Variants in SLITRK5 observed in about 807,000 individuals in gnomAD.
SLITRK5 encodes SLIT and NTRK like family member 5.
SLITRK5 carries 23 observed loss-of-function variants against 56.2 expected under a neutral mutation model. The observed-to-expected ratio is 0.41, with a 90% CI of 0.29 to 0.58. SLITRK5 has a LOEUF of 0.58. SLITRK5 is among the 20% of genes least tolerant of loss of function. The pLI, the probability that SLITRK5 is intolerant of heterozygous loss-of-function variation, is 0.30. For missense variants in SLITRK5, 1,289 were observed against 1,226.6 expected, an observed-to-expected ratio of 1.05 and a Z score of -0.76; for synonymous variants, 637 against 531.8, an observed-to-expected ratio of 1.20 and a Z score of -2.72.
chr13:87,676,970 T>G lies in SLITRK5; in HGVS notation c.1582T>G (p.Leu528Val). The G allele has an allele frequency of 1.2e-6, 2 of 1,614,196 alleles. No homozygotes were observed. The highest frequency in any genetic ancestry group is 2.2e-5 in the South Asian group (2 of 91,086). The change falls in exon 2 of 2, where the codon TTG (leucine) becomes GTG (valine). Residue 528 changes from leucine to valine, a missense_variant. Around this residue, in one of 3 missense-constraint regions of SLITRK5, gnomAD observed 985 missense variants for 906.0 expected, o/e 1.09. Transcript: ENST00000683689. Reference protein sequence around the residue: ...QAMPSGVFSGLTLLRLNLRSN... With the variant: ...QAMPSGVFSGVTLLRLNLRSN... Reference sequence around the variant, plus strand: ...CATGCCCTCAGGCGTCTTCTCTGGCTTGACCCTCCTCAGGCTAAACCTGAG... The same window carrying G: ...CATGCCCTCAGGCGTCTTCTCTGGCGTGACCCTCCTCAGGCTAAACCTGAG...
In SLITRK5 at chr13:87,677,667, G is replaced by A; in HGVS notation, c.2279G>A (p.Cys760Tyr). Reference sequence around the variant, plus strand: ...ATCCCCCACCCACTGGGCCACATGTGCAAAAACCCCATCTACCGCTCCCGA... The same window carrying A: ...ATCCCCCACCCACTGGGCCACATGTACAAAAACCCCATCTACCGCTCCCGA... ...EYIPHPLGHM[C>Y]KNPIYRSREG... The change falls in exon 2 of 2, where the codon TGC becomes TAC. Residue 760 changes from cysteine to tyrosine, a missense_variant. Cys to Tyr is a radical substitution (Grantham distance 194). Coordinates refer to ENST00000683689, the MANE Select transcript of SLITRK5 (RefSeq NM_001384609.1). This position sits in a 1 kb window ranked among gnomAD's most constrained non-coding sequence, Gnocchi z 4.7. The A allele has an allele frequency of 2.5e-6, 4 of 1,606,242 alleles. No individual in the cohort carries two copies. Among genetic ancestry groups the A allele is most frequent in the Non-Finnish European group, 3.4e-6 (4 of 1,173,988 alleles).
In SLITRK5 at chr13:87,679,482, G is replaced by T. The variant is rs1209982089; in HGVS notation, c.*1217G>T. 2 of 166,740 alleles carry T rather than the reference G, an allele frequency of 1.2e-5. No individual in the cohort carries two copies. The highest frequency in any genetic ancestry group is 2.4e-5 in the African/African-American group (1 of 41,362). The allele number at this position is 166,740 out of a possible 1,614,324, so 10.3% of individuals were successfully genotyped here. A position where few individuals can be genotyped will look rare whatever the true frequency, so the allele number is the denominator to read the frequency against. Reference sequence around the variant, plus strand: ...CTCTATACAATGTCTTTATCCCTGTGGGCAGCAAGCAATGATGATAATGAC... The same window carrying T: ...CTCTATACAATGTCTTTATCCCTGTTGGCAGCAAGCAATGATGATAATGAC... On this transcript the variant is annotated 3_prime_UTR_variant, in exon 2 of 2. Coordinates refer to ENST00000683689, the MANE Select transcript of SLITRK5 (RefSeq NM_001384609.1).
In SLITRK5 at chr13:87,675,271, T is replaced by C. The variant is rs1877221809; in HGVS notation, c.-8-110T>C. 4.2e-6 allele frequency: 3 copies of C among 708,320 alleles called. No homozygotes were observed. In the East Asian group the frequency reaches 7.9e-5, roughly 19 times the overall value. 43.9% of individuals were successfully genotyped at this position (708,320 alleles called of 1,614,324 possible). ...TGGGGAGGTGTGTCATTTGTATCTC[T>C]TCCTTTTGGGTTTTAGAGTAATAAT... On this transcript the variant is annotated intron_variant, in intron 1 of 1. Transcript: ENST00000683689.
In SLITRK5 at chr13:87,677,955, G is replaced by A; in HGVS notation, c.2567G>A (p.Arg856Lys). 1.2e-6 allele frequency: 2 copies of A among 1,613,958 alleles called. No homozygotes were observed. The highest frequency in any genetic ancestry group is 1.7e-6 in the Non-Finnish European group (2 of 1,179,926). Residue 856 changes from arginine (R) to lysine (K), a missense_variant, in exon 2 of 2, where the codon AGG becomes AAG. Transcript: ENST00000683689. The surrounding 1 kb of genome is among the most constrained non-coding windows in gnomAD (Gnocchi z 4.7). The stretch of plus-strand genomic sequence containing the variant: ...GTGCAGGACGCCGACCGCTTTTACA[G>A]GGGCATTTTAGAACCAGACAAACAC... ...SPVQDADRFYRGILEPDKHCS... is the reference protein window; with the variant it reads ...SPVQDADRFYKGILEPDKHCS...
intron 1 of SLITRK5, chr13:87,674,479 T>G: frequency 2.4e-6 from 2 of 831,052 alleles, no homozygotes; most frequent in Non-Finnish European, 2.9e-6. Flanking sequence ...TTTTAAACTC[T>G]AGGCATCGGG....
rs1355059253 is a variant in SLITRK5, at chr13:87,676,541, T to G, written c.1153T>G (p.Ser385Ala). The G allele has an allele frequency of 6.2e-7, 1 of 1,613,998 alleles. No individual in the cohort carries two copies. Among genetic ancestry groups the G allele is most frequent in the East Asian group, 2.2e-5 (1 of 44,866 alleles). The change falls in exon 2 of 2, where the codon TCT (serine) becomes GCT (alanine). Residue 385 changes from serine (S) to alanine (A), a missense_variant. Around this residue, in one of 3 missense-constraint regions of SLITRK5, gnomAD observed 985 missense variants for 906.0 expected, o/e 1.09. Transcript: ENST00000683689. ...PTACSCNLQI[S>A]DLGLNVNCQE... ...CGCGTGCTCTTGCAACCTGCAGATC[T>G]CTGATCTGGGCCTCAACGTAAACTG... is the stretch of plus-strand genomic sequence containing the variant.
Position 87,677,640 on chromosome 13 carries a change from A to G in SLITRK5, c.2252A>G (p.Tyr751Cys). 1 of 1,608,596 alleles carries G rather than the reference A, an allele frequency of 6.2e-7. No individual in the cohort carries two copies. The highest frequency in any genetic ancestry group is 8.5e-7 in the Non-Finnish European group (1 of 1,175,966). The change falls in exon 2 of 2, where the codon TAC (tyrosine) becomes TGC (cysteine). Residue 751 changes from tyrosine to cysteine, a missense_variant. Transcript: ENST00000683689. The surrounding 1 kb of genome is among the most constrained non-coding windows in gnomAD (Gnocchi z 4.7). ...VKTPAGHVYE[Y>C]IPHPLGHMCK... is the part of the protein sequence containing the mutation. ...ACGCCCGCGGGCCACGTGTATGAAT[A>G]CATCCCCCACCCACTGGGCCACATG...
chr13:87,676,395 A>C lies in SLITRK5; in HGVS notation c.1007A>C (p.Gln336Pro). The C allele has an allele frequency of 6.2e-7, 1 of 1,614,048 alleles. No homozygotes were observed. The highest frequency in any genetic ancestry group is 2.2e-5 in the East Asian group (1 of 44,866). ...PPLKPPKGTR[Q>P]PNKPRVRPTS... ...TTGAAGCCCCCTAAGGGGACTCGCC[A>C]ACCCAACAAGCCCAGGGTGCGCCCC... The change falls in exon 2 of 2, where the codon CAA becomes CCA. Residue 336 changes from glutamine to proline, a missense_variant. Gln to Pro is a moderately conservative substitution (Grantham distance 76, BLOSUM62 -1). Coordinates refer to ENST00000683689, the MANE Select transcript of SLITRK5 (RefSeq NM_001384609.1).
rs748050875 is a variant in SLITRK5, at chr13:87,675,425, G to T, written c.37G>T (p.Asp13Tyr). The change falls in exon 2 of 2, where the codon GAC (aspartate) becomes TAC (tyrosine). Residue 13 changes from aspartate (D) to tyrosine (Y), a missense_variant. Around this residue, in one of 3 missense-constraint regions of SLITRK5, gnomAD observed 291 missense variants for 286.7 expected, o/e 1.02. Transcript: ENST00000683689. ...CTGCCCCCCAGTAACTTTGGAACAG[G>T]ACCTTCACAGAAAAATGCATAGCTG... ...TCCPPVTLEQ[D>Y]LHRKMHSWML... The T allele has an allele frequency of 1.7e-5, 28 of 1,614,052 alleles. No individual in the cohort carries two copies. Among genetic ancestry groups the T allele is most frequent in the Non-Finnish European group, 2.4e-5 (28 of 1,180,046 alleles).
chr13:87,673,992 G>A (rs1877158424), intron 1 of SLITRK5, among the ~76,000 whole-genome samples: 1 of 143,234 alleles, frequency 7.0e-6, no homozygotes, highest in Non-Finnish European at 1.5e-5. Flanking sequence ...CAGCATGCGC[G>A]CGCGCGCACA....
rs139493330 is a variant in SLITRK5, at chr13:87,676,869, G to T, written c.1481G>T (p.Arg494Leu). Residue 494 changes from arginine to leucine, a missense_variant, in exon 2 of 2, where the codon CGC (arginine) becomes CTC (leucine). Coordinates refer to ENST00000683689, the MANE Select transcript of SLITRK5 (RefSeq NM_001384609.1). ...QYLFLQYNLI[R>L]EIQSGTFDPV... ...CTCTTCCTCCAGTACAATCTCATCCGCGAGATTCAGTCTGGAACTTTTGAC... is the reference window on the plus strand; with the variant it reads ...CTCTTCCTCCAGTACAATCTCATCCTCGAGATTCAGTCTGGAACTTTTGAC... 98 of 1,614,046 alleles carry T rather than the reference G, an allele frequency of 6.1e-5. No homozygotes were observed. In the African/African-American group the frequency reaches 1.2e-3, roughly 20 times the overall value.
Position 87,673,506 on chromosome 13 carries a change from A to AG in SLITRK5, c.-9+1302dup, listed in dbSNP as rs1011184933. On this transcript the variant is annotated intron_variant, in intron 1 of 1. Transcript: ENST00000683689. The stretch of plus-strand genomic sequence containing the variant: ...TGGGGGCGGGGAAGCACAGGGAGGG[A>AG]GGGGGAGGGGACCCAACCTCGCTGA... 2.2e-5 allele frequency: 15 copies of AG among 668,732 alleles called. No individual in the cohort carries two copies. The African/African-American group carries it at 5.6e-4, about 25-fold the overall frequency. The allele number at this position is 668,732 out of a possible 1,614,324, so 41.4% of individuals were successfully genotyped here. A position where few individuals can be genotyped will look rare whatever the true frequency, so the allele number is the denominator to read the frequency against.
Position 87,675,719 on chromosome 13 carries a change from C to T in SLITRK5, c.331C>T (p.His111Tyr), listed in dbSNP as rs761739717. The T allele has an allele frequency of 6.2e-7, 1 of 1,614,138 alleles. No individual in the cohort carries two copies. Among genetic ancestry groups the T allele is most frequent in the Non-Finnish European group, 8.5e-7 (1 of 1,180,020 alleles). The stretch of plus-strand genomic sequence containing the variant: ...CAATTACACTGGGGCTTCAATTTTG[C>T]ATCTAGGTAGCAATGTTATCCAGGA... ...FVNYTGASIL[H>Y]LGSNVIQDIE... The change falls in exon 2 of 2, where the codon CAT becomes TAT. Residue 111 changes from histidine to tyrosine, a missense_variant. His to Tyr is a moderately conservative substitution (Grantham distance 83). Transcript: ENST00000683689.
rs556991645 is a variant in SLITRK5, at chr13:87,678,527, C to A, written c.*262C>A. The A allele has an allele frequency of 4.4e-6, 2 of 457,592 alleles. No homozygotes were observed. The highest frequency in any genetic ancestry group is 3.6e-5 in the East Asian group (1 of 27,988). 28.3% of individuals were successfully genotyped at this position (457,592 alleles called of 1,614,324 possible). On this transcript the variant is annotated 3_prime_UTR_variant, in exon 2 of 2. Transcript: ENST00000683689. ...GGTGTGGAGAAGGGCTTTAAGGAGG[C>A]CAATTTGCTGCGCGGGTGACCTGTG... is the stretch of plus-strand genomic sequence containing the variant.
rs1877306395 is a variant in SLITRK5, at chr13:87,676,984, G to A, written c.1596G>A (p.Arg532=). Residue 532 remains arginine, a synonymous_variant, in exon 2 of 2, where the codon AGG becomes AGA. Transcript: ENST00000683689. ...TCTTCTCTGGCTTGACCCTCCTCAG[G>A]CTAAACCTGAGGAGTAACCACTTCA... ...SGVFSGLTLL[R]LNLRSNHFTS... 1.2e-6 allele frequency: 2 copies of A among 1,613,984 alleles called. No individual in the cohort carries two copies. Among genetic ancestry groups the A allele is most frequent in the South Asian group, 1.1e-5 (1 of 91,082 alleles).
In SLITRK5 at chr13:87,675,541, A is replaced by G. The variant is rs1406333464; in HGVS notation, c.153A>G (p.Ala51=). The change falls in exon 2 of 2, where the codon GCA becomes GCG. Residue 51 remains alanine (A), a synonymous_variant. Transcript: ENST00000683689. ...IDYYGEICDN[A]CPCEEKDGIL... ...ATTATGGGGAAATCTGTGACAATGCATGTCCTTGTGAGGAAAAGGACGGCA... is the reference window on the plus strand; with the variant it reads ...ATTATGGGGAAATCTGTGACAATGCGTGTCCTTGTGAGGAAAAGGACGGCA... 6.2e-7 allele frequency: 1 copy of G among 1,614,176 alleles called. No individual in the cohort carries two copies. Among genetic ancestry groups the G allele is most frequent in the East Asian group, 2.2e-5 (1 of 44,870 alleles).
intron 1 of SLITRK5, chr13:87,673,365 T>A: frequency 2.7e-6 from 1 of 374,792 alleles, no homozygotes; most frequent in Non-Finnish European, 5.3e-6. Context: ...GGGAGTGGGT[T>A]GAGAGGAAGC....
Position 87,677,725 on chromosome 13 carries a change from G to A in SLITRK5, c.2337G>A (p.Leu779=), listed in dbSNP as rs746128090. ...ACTCCGTAGAGGATTACAAAGACCT[G>A]CACGAGCTCAAGGTCACCTACAGCA... ...EGNSVEDYKD[L]HELKVTYSSN... Residue 779 remains leucine (L), a synonymous_variant, in exon 2 of 2, where the codon CTG becomes CTA. Transcript: ENST00000683689. The surrounding 1 kb of genome is among the most constrained non-coding windows in gnomAD (Gnocchi z 4.7). 6.2e-7 allele frequency: 1 copy of A among 1,612,666 alleles called. No individual in the cohort carries two copies. The highest frequency in any genetic ancestry group is 1.7e-5 in the Admixed American group (1 of 59,954).
chr13:87,677,616 C>A lies in SLITRK5; in HGVS notation c.2228C>A (p.Thr743Lys). ...HRGPALPKVK[T>K]PAGHVYEYIP... ...GGGCCCGCGCTGCCCAAGGTGAAGA[C>A]GCCCGCGGGCCACGTGTATGAATAC... The change falls in exon 2 of 2, where the codon ACG becomes AAG. Residue 743 changes from threonine to lysine, a missense_variant. By Grantham distance (78) the Thr-to-Lys change is moderately conservative. Transcript: ENST00000683689. This position sits in a 1 kb window ranked among gnomAD's most constrained non-coding sequence, Gnocchi z 4.7. 1.9e-6 allele frequency: 3 copies of A among 1,609,776 alleles called. No individual in the cohort carries two copies. Among genetic ancestry groups the A allele is most frequent in the East Asian group, 4.5e-5 (2 of 44,666 alleles).
Sources: allele counts gnomAD v4.1 joint callset (sites outside exome capture counted in the v4.1 genomes callset), GRCh38; gene constraint gnomAD v4.1.1; regional missense constraint gnomAD v4.1.1; non-coding constraint Gnocchi (gnomAD v3.1); transcripts MANE v1.5; gene names NCBI Gene and HGNC (gene_info 2026-07-23, HGNC 2026-07-21).